Variants in PPP2CB observed in about 807,000 individuals in gnomAD.
The protein encoded by PPP2CB is serine/threonine-protein phosphatase 2A catalytic subunit beta isoform.
PPP2CB carries 18 observed loss-of-function variants against 39.1 expected under a neutral mutation model. The observed-to-expected ratio is 0.46, with a 90% confidence interval of 0.32 to 0.68. The LOEUF (loss-of-function observed/expected upper bound fraction) is 0.68, where lower values mean the gene tolerates loss of function less well. PPP2CB is among the 30% of genes least tolerant of loss of function. PPP2CB has a pLI of 0.04. For synonymous variants in PPP2CB, 129 were observed against 133.8 expected (o/e 0.96, Z 0.25); for missense variants, 226 against 396.9 (o/e 0.57, Z 3.66).
Position 30,795,423 on chromosome 8 carries a change from A to T in PPP2CB, c.487-1142T>A, listed in dbSNP as rs1250054340. On this transcript the variant is annotated intron_variant, in intron 3 of 6. Coordinates refer to ENST00000221138, the MANE Select transcript of PPP2CB (RefSeq NM_001009552.2). ...AGCCACCTCACCTGGCCTGATGAGA[A>T]GGTTTCTAATGTTTAGCTGATAGTA... is the stretch of plus-strand genomic sequence containing the variant. 4.6e-5 allele frequency among the ~76,000 whole-genome samples: 7 copies of T among 152,144 alleles called. No individual in the cohort carries two copies. In the South Asian group the frequency reaches 1.4e-3, roughly 32 times the overall value.
At chr8:30,806,522 A>G (rs1198162376) in intron 1 of PPP2CB, among the ~76,000 whole-genome samples, 1 of 152,206 alleles carries the variant, frequency 6.6e-6, no homozygotes, top group East Asian at 1.9e-4. Context: ...GTTCAAAACA[A>G]TAAAAAATTT....
intron 1 of PPP2CB, among the ~76,000 whole-genome samples, chr8:30,803,489 G>A (rs1689750987): frequency 1.3e-5 from 2 of 151,692 alleles, no homozygotes; most frequent in Admixed American, 1.3e-4. Flanking sequence ...AGGCTGCAGT[G>A]AACTATGATC....
chr8:30,807,252 T>C (rs1331901070), intron 1 of PPP2CB, among the ~76,000 whole-genome samples: 2 of 152,212 alleles, frequency 1.3e-5, no homozygotes, highest in Non-Finnish European at 2.9e-5. Context: ...GTTAGGCATT[T>C]TGCCTGTCAA....
At chr8:30,804,699 G>A (rs371552079) in intron 1 of PPP2CB, among the ~76,000 whole-genome samples, 1 of 152,144 alleles carries the variant, frequency 6.6e-6, no homozygotes, top group Admixed American at 6.6e-5. Context: ...AGTGTTCCCT[G>A]TAATTTATAG....
At position 30,786,375 on chromosome 8, in the gene PPP2CB, C is replaced by T. The variant is rs1007052869; in HGVS notation, c.858-68G>A. ...GCAAAGAAAACAAATGAATAAAGAA[C>T]AAGACACTGTAGTAGAAACAGCAGT... On this transcript the variant is annotated intron_variant, in intron 6 of 6. Transcript: ENST00000221138. The T allele has an allele frequency of 4.6e-6, 6 of 1,307,520 alleles. No homozygotes were observed. The Admixed American group carries it at 8.4e-5, about 18-fold the overall frequency. 81.0% of individuals were successfully genotyped at this position (1,307,520 alleles called of 1,614,324 possible).
At chr8:30,787,543 T>A (rs747434283) in intron 6 of PPP2CB, among the ~76,000 whole-genome samples, 6 of 152,166 alleles carry the variant, frequency 3.9e-5, no homozygotes, top group Non-Finnish European at 7.3e-5. Context: ...TTTTACCATG[T>A]TACCCAGGCT....
intron 6 of PPP2CB, among the ~76,000 whole-genome samples, chr8:30,786,745 G>T (rs1209921430): frequency 1.4e-4 from 20 of 147,732 alleles, no homozygotes; most frequent in Admixed American, 1.3e-3. Context: ...CTTATTGCAA[G>T]CTCCGCCTCC....
chr8:30,807,014 G>A (rs1164671053), intron 1 of PPP2CB, among the ~76,000 whole-genome samples: 1 of 152,310 alleles, frequency 6.6e-6, no homozygotes, highest in South Asian at 2.1e-4. Context: ...TGCTAGTCTA[G>A]TTTGGTTTAA....
intron 1 of PPP2CB, among the ~76,000 whole-genome samples, chr8:30,811,164 A>G (rs1806819307): frequency 6.6e-6 from 1 of 152,216 alleles, no homozygotes; most frequent in South Asian, 2.1e-4. Context: ...TTACAAAGTG[A>G]AGATCACACA....
intron 1 of PPP2CB, among the ~76,000 whole-genome samples, chr8:30,803,311 G>A (rs139349068): frequency 1.3e-5 from 2 of 152,048 alleles, no homozygotes; most frequent in African/African-American, 4.8e-5. Flanking sequence ...TGGAGGCCGA[G>A]GCAGAAGGAT....
chr8:30,808,683 C>T (rs1471744707), intron 1 of PPP2CB, among the ~76,000 whole-genome samples: 1 of 152,064 alleles, frequency 6.6e-6, no homozygotes, highest in East Asian at 1.9e-4. Context: ...CACACAACTG[C>T]TATTAATTCC....
intron 1 of PPP2CB, 67 bp downstream of exon 1, chr8:30,812,253 G>C (rs1404515089): frequency 1.6e-6 from 2 of 1,256,330 alleles, no homozygotes; most frequent in Non-Finnish European, 2.1e-6. Flanking sequence ...ACGGGACCGG[G>C]GCGGGCAGGA....
intron 1 of PPP2CB, among the ~76,000 whole-genome samples, chr8:30,811,806 T>G (rs1434959706): frequency 6.6e-6 from 1 of 151,696 alleles, no homozygotes; most frequent in Non-Finnish European, 1.5e-5. Context: ...CCGGCTTGAG[T>G]TAGTGATTTC....
intron 6 of PPP2CB, among the ~76,000 whole-genome samples, chr8:30,787,925 A>G (rs979630659): frequency 9.9e-5 from 15 of 152,120 alleles, no homozygotes; most frequent in African/African-American, 3.4e-4. Context: ...CAGTTTCAGT[A>G]GTTTCTTTTT....
chr8:30,809,519 A>T (rs985234581), intron 1 of PPP2CB, among the ~76,000 whole-genome samples: 1 of 152,154 alleles, frequency 6.6e-6, no homozygotes, highest in African/African-American at 2.4e-5. Flanking sequence ...GCTCAAAAAG[A>T]GTAGAGAGAA....
intron 1 of PPP2CB, among the ~76,000 whole-genome samples, chr8:30,800,623 G>C (rs967018632): frequency 6.6e-6 from 1 of 152,158 alleles, no homozygotes; most frequent in Non-Finnish European, 1.5e-5. Context: ...ATGGCTCATC[G>C]ATCTGGCCTC....
At chr8:30,805,821 C>T (rs1219972177) in intron 1 of PPP2CB, among the ~76,000 whole-genome samples, 3 of 152,100 alleles carry the variant, frequency 2.0e-5, no homozygotes, top group Admixed American at 6.5e-5. Flanking sequence ...GCTATTATAA[C>T]GCAAGTCAGG....
intron 1 of PPP2CB, among the ~76,000 whole-genome samples, chr8:30,808,546 A>C (rs926292149): frequency 6.6e-6 from 1 of 152,256 alleles, no homozygotes; most frequent in Admixed American, 6.5e-5. Flanking sequence ...CACAAGGATT[A>C]AAGATAGTTT....
chr8:30,788,115 T>C (rs1477264765), intron 6 of PPP2CB, among the ~76,000 whole-genome samples: 1 of 152,194 alleles, frequency 6.6e-6, no homozygotes, highest in East Asian at 1.9e-4. Flanking sequence ...TTGGGTTTTG[T>C]TGATTTTTCT....
Sources: allele counts gnomAD v4.1 joint callset (sites outside exome capture counted in the v4.1 genomes callset), GRCh38; gene constraint gnomAD v4.1.1; transcripts MANE v1.5; gene names NCBI Gene and HGNC (gene_info 2026-07-23, HGNC 2026-07-21).